DLGAP4: variants seen among roughly 807,000 people sequenced by gnomAD.
The protein encoded by DLGAP4 is disks large-associated protein 4.
A neutral mutation model predicts 86.9 loss-of-function variants in DLGAP4; 18 were observed. That is an observed-to-expected ratio of 0.21 (90% CI 0.14 to 0.31). DLGAP4 has a LOEUF of 0.31. Among genes scored for constraint, DLGAP4 ranks in the 10% least tolerant of loss-of-function variants. DLGAP4 has a pLI of 1.00. For synonymous variants in DLGAP4, 548 were observed against 574.3 expected, an observed-to-expected ratio of 0.95 and a Z score of 0.65; for missense variants, 1,085 against 1,362.6, an observed-to-expected ratio of 0.80 and a Z score of 3.21.
At chr20:36,320,012 C>T (rs1200840019) in intron 1 of DLGAP4, among the ~76,000 whole-genome samples, 18 of 151,690 alleles carry the variant, frequency 1.2e-4, no homozygotes, top group Non-Finnish European at 2.2e-4. Context: ...TCCTCCAGGC[C>T]TCCCTCTGTG....
chr20:36,392,197 G>GGCT (rs1396616005), intron 2 of DLGAP4, among the ~76,000 whole-genome samples: 1 of 152,166 alleles, frequency 6.6e-6, no homozygotes, highest in Admixed American at 6.5e-5. Flanking sequence ...AGGTGCTAGG[G>GGCT]GCTGCCACTA....
chr20:36,356,453 A>G (rs1231300743), intron 1 of DLGAP4, among the ~76,000 whole-genome samples: 3 of 152,264 alleles, frequency 2.0e-5, no homozygotes, highest in Non-Finnish European at 4.4e-5. Flanking sequence ...CTGGGATTAC[A>G]GGTAGCTGCC....
chr20:36,500,101 C>G lies in DLGAP4; in HGVS notation c.2100-98C>G. 7.4e-7 allele frequency: 1 copy of G among 1,347,902 alleles called. No homozygotes were observed. The highest frequency in any genetic ancestry group is 1.0e-6 in the Non-Finnish European group (1 of 989,472). 83.5% of individuals were successfully genotyped at this position (1,347,902 alleles called of 1,614,324 possible). A position where few individuals can be genotyped will look rare whatever the true frequency, so the allele number is the denominator to read the frequency against. On this transcript the variant is annotated intron_variant, in intron 9 of 12. Coordinates refer to ENST00000339266, the MANE Select transcript of DLGAP4 (RefSeq NM_001365621.2). This position sits in a 1 kb window ranked among gnomAD's most constrained non-coding sequence, Gnocchi z 4.6. The stretch of plus-strand genomic sequence containing the variant: ...GTGAGCAGATGATGCATCCGTTTCT[C>G]TGTCTCCCGTGTGTCCGGGTCAAGG...
intron 2 of DLGAP4, among the ~76,000 whole-genome samples, chr20:36,387,881 G>A (rs753991649): frequency 2.6e-5 from 4 of 152,058 alleles, no homozygotes; most frequent in Non-Finnish European, 5.9e-5. Context: ...GTCTATTTCG[G>A]TTCTACACTA....
intron 4 of DLGAP4, 114 bp downstream of exon 4, chr20:36,436,464 C>T: frequency 7.1e-7 from 1 of 1,416,062 alleles, no homozygotes; most frequent in Non-Finnish European, 9.2e-7. Context: ...GCGTGGGAGC[C>T]ACGCCCCCTT....
intron 10 of DLGAP4, among the ~76,000 whole-genome samples, chr20:36,512,425 T>C (rs1328347747): frequency 6.6e-6 from 1 of 152,082 alleles, no homozygotes; most frequent in African/African-American, 2.4e-5. Context: ...GAATAATAGG[T>C]CCATATCTCT....
At chr20:36,450,082 TC>T (rs1345543778) in intron 7 of DLGAP4, among the ~76,000 whole-genome samples, 2 of 152,214 alleles carry the variant, frequency 1.3e-5, no homozygotes, top group African/African-American at 4.8e-5. Context: ...CCTGCTAACA[TC>T]CTATTGGCAA....
At chr20:36,372,970 A>T (rs1361077776) in intron 2 of DLGAP4, among the ~76,000 whole-genome samples, 1 of 152,150 alleles carries the variant, frequency 6.6e-6, no homozygotes, top group Non-Finnish European at 1.5e-5. Flanking sequence ...GAGGAACAGG[A>T]TATCTACTTA....
chr20:36,372,419 G>C (rs1036708153), intron 2 of DLGAP4, among the ~76,000 whole-genome samples: 1 of 151,734 alleles, frequency 6.6e-6, no homozygotes. Context: ...CCCACACCCC[G>C]CCTCTCTCCC....
At chr20:36,397,163 C>T (rs1360414671) in intron 2 of DLGAP4, among the ~76,000 whole-genome samples, 1 of 152,152 alleles carries the variant, frequency 6.6e-6, no homozygotes, top group African/African-American at 2.4e-5. Context: ...CCTGAGGCAG[C>T]CCTGTACTCC....
chr20:36,382,007 G>T (rs1003192367), intron 2 of DLGAP4, among the ~76,000 whole-genome samples: 1 of 152,170 alleles, frequency 6.6e-6, no homozygotes, highest in African/African-American at 2.4e-5. Context: ...CTTGTTGACA[G>T]CTGGCCAGCT....
At chr20:36,382,130 G>A (rs2031415447) in intron 2 of DLGAP4, among the ~76,000 whole-genome samples, 5 of 152,208 alleles carry the variant, frequency 3.3e-5, no homozygotes. Context: ...AGGTGGAGAA[G>A]CAGCCTGGAA....
At chr20:36,370,165 G>A (rs1663733798) in intron 2 of DLGAP4, among the ~76,000 whole-genome samples, 3 of 152,104 alleles carry the variant, frequency 2.0e-5, no homozygotes, top group Non-Finnish European at 4.4e-5. Flanking sequence ...GAGGAGCCTG[G>A]GGGTCTCCAA....
At chr20:36,458,344 CTTTTTTTTTTTT>C (rs1173496431) in intron 7 of DLGAP4, among the ~76,000 whole-genome samples, 2 of 91,414 alleles carry the variant, frequency 2.2e-5, no homozygotes, top group African/African-American at 9.8e-5. Context: ...AACCCCATAT[CTTTTTTTTTTTT>C]TTTTTTTTTT....
intron 5 of DLGAP4, among the ~76,000 whole-genome samples, chr20:36,442,233 T>G (rs967178523): frequency 2.6e-5 from 4 of 152,172 alleles, no homozygotes; most frequent in Non-Finnish European, 4.4e-5. Context: ...TCGCTCTTGT[T>G]GCCCAGGCTG....
intron 7 of DLGAP4, among the ~76,000 whole-genome samples, chr20:36,468,070 A>G (rs2034496752): frequency 6.6e-6 from 1 of 152,228 alleles, no homozygotes; most frequent in Admixed American, 6.5e-5. Context: ...AAAGCCCACA[A>G]ATCTTGCTTT....
chr20:36,485,603 G>T (rs1242062816), intron 7 of DLGAP4, among the ~76,000 whole-genome samples: 2 of 152,072 alleles, frequency 1.3e-5, no homozygotes, highest in Non-Finnish European at 2.9e-5. Flanking sequence ...GCCCACCATG[G>T]CCAGCATTGA....
chr20:36,440,752 C>A (rs1394488980), intron 5 of DLGAP4, among the ~76,000 whole-genome samples: 2 of 152,002 alleles, frequency 1.3e-5, no homozygotes, highest in Non-Finnish European at 2.9e-5. Flanking sequence ...AAGGCACCCC[C>A]CATCGTGTGG....
intron 10 of DLGAP4, among the ~76,000 whole-genome samples, chr20:36,519,340 A>G (rs982469664): frequency 6.6e-6 from 1 of 152,072 alleles, no homozygotes; most frequent in Admixed American, 6.6e-5. Flanking sequence ...AATTTATTGT[A>G]TATTTTATGG....
Sources: allele counts gnomAD v4.1 joint callset (sites outside exome capture counted in the v4.1 genomes callset), GRCh38; gene constraint gnomAD v4.1.1; non-coding constraint Gnocchi (gnomAD v3.1); transcripts MANE v1.5; gene names NCBI Gene and HGNC (gene_info 2026-07-23, HGNC 2026-07-21).